Variants in MAP1B observed in about 807,000 individuals in gnomAD.
MAP1B encodes the protein microtubule associated protein 1B.
Under a neutral mutation model 176.1 loss-of-function variants are expected in MAP1B, and 12 were observed. The observed-to-expected ratio is 0.07, with a 90% CI of 0.04 to 0.11. The LOEUF is 0.11. Ranked by LOEUF, MAP1B falls within the 10% of genes least tolerant of loss-of-function variation. The probability of loss-of-function intolerance (pLI) is 1.00; values close to 1 mark genes in which losing one functional copy is unlikely to be tolerated. For missense variants in MAP1B, 2,523 were observed against 2,990.5 expected (o/e 0.84, Z 3.65); for synonymous variants, 1,044 against 1,135.0 (o/e 0.92, Z 1.61).
chr5:72,118,805 A>G (rs16875186), intron 2 of MAP1B, among the ~76,000 whole-genome samples: 10,944 of 152,190 alleles, frequency 0.072, 830 homozygotes, highest in East Asian at 0.21. Flanking sequence ...ATTGCCTTTT[A>G]TGACATAAGT....
rs199968838 is a variant in MAP1B, at chr5:72,199,379, T to C, written c.6024T>C (p.Tyr2008=). 13 of 1,614,056 alleles carry C rather than the reference T, an allele frequency of 8.1e-6. No individual in the cohort carries two copies. In the Admixed American group the frequency reaches 1.7e-4, roughly 21 times the overall value. The part of the protein sequence containing the change: ...GHTLGDPSYS[Y]ETTEKITSFP... ...CACTTGGGGACCCCAGCTACTCTTA[T>C]GAAACCACTGAGAAAATTACCAGTT... Residue 2008 remains tyrosine, a synonymous_variant, in exon 5 of 7, where the codon TAT becomes TAC. Coordinates refer to ENST00000296755, the MANE Select transcript of MAP1B (RefSeq NM_005909.5). The surrounding 1 kb of genome is among the most constrained non-coding windows in gnomAD (Gnocchi z 4.2).
At position 72,204,717 on chromosome 5, in the gene MAP1B, C is replaced by T. The variant is rs575410802; in HGVS notation, c.7252-367C>T. ...GGGCTTTTGAGGGCTTTGAAGTGCG[C>T]GATAAAATCCTTGGATTAAATATGC... On this transcript the variant is annotated intron_variant, in intron 6 of 6. Transcript: ENST00000296755. This position sits in a 1 kb window ranked among gnomAD's most constrained non-coding sequence, Gnocchi z 4.4. Among the ~76,000 whole-genome samples the T allele has an allele frequency of 3.9e-5, 6 of 152,026 alleles. No homozygotes were observed. Among genetic ancestry groups the T allele is most frequent in the East Asian group, 1.9e-4 (1 of 5,186 alleles).
At chr5:72,161,956 C>CAAAAAAAAAAAAAAAAAAAGAAA (rs1746332577) in intron 2 of MAP1B, among the ~76,000 whole-genome samples, 1 of 85,024 alleles carries the variant, frequency 1.2e-5, no homozygotes, top group Non-Finnish European at 2.3e-5. Context: ...AATTCCGTCT[C>CAAAAAAAAAAAAAAAAAAAGAAA]AAAAAAAAAA....
chr5:72,199,022 T>C lies in MAP1B; in HGVS notation c.5667T>C (p.Tyr1889=). Residue 1889 remains tyrosine, a synonymous_variant, in exon 5 of 7, where the codon TAT becomes TAC. Coordinates refer to ENST00000296755, the MANE Select transcript of MAP1B (RefSeq NM_005909.5). The surrounding 1 kb of genome is among the most constrained non-coding windows in gnomAD (Gnocchi z 4.2). The stretch of plus-strand genomic sequence containing the variant: ...CCCCAGATGAAGAAGATTATGACTA[T>C]GAGTCTTATGAGAAGACCACCCGGA... ...TRSPDEEDYD[Y]ESYEKTTRTS... The C allele has an allele frequency of 6.2e-7, 1 of 1,614,154 alleles. No individual in the cohort carries two copies. The highest frequency in any genetic ancestry group is 8.5e-7 in the Non-Finnish European group (1 of 1,180,008).
rs141224742 is a variant in MAP1B at position 72,197,981 on chromosome 5, G to A, written c.4626G>A (p.Thr1542=). Residue 1542 remains threonine, a synonymous_variant, in exon 5 of 7, where the codon ACG becomes ACA. Transcript: ENST00000296755. ...TTGATGAGGGCGTAGCAGAAGACACGTACTCTCATATGGAGGGTGTGGCCT... is the reference window on the plus strand; with the variant it reads ...TTGATGAGGGCGTAGCAGAAGACACATACTCTCATATGGAGGGTGTGGCCT... The part of the protein sequence containing the change: ...TPVDEGVAED[T]YSHMEGVASV... 4.8e-5 allele frequency: 77 copies of A among 1,614,058 alleles called. No homozygotes were observed. The African/African-American group carries it at 6.3e-4, about 13-fold the overall frequency.
rs1747424398 is a variant in MAP1B at position 72,205,374 on chromosome 5, A to C, written c.*135A>C. On this transcript the variant is annotated 3_prime_UTR_variant, in exon 7 of 7. Transcript: ENST00000296755. ...TACCTGCCAAATGCTATACTGTGTC[A>C]TGGTGATGCAAGTCACTAAATTTCT... The C allele has an allele frequency of 7.3e-6, 6 of 819,184 alleles. No homozygotes were observed. The highest frequency in any genetic ancestry group is 1.1e-5 in the Non-Finnish European group (6 of 535,240). 50.7% of individuals were successfully genotyped at this position (819,184 alleles called of 1,614,324 possible). A position where few individuals can be genotyped will look rare whatever the true frequency, so the allele number is the denominator to read the frequency against.
intron 2 of MAP1B, among the ~76,000 whole-genome samples, chr5:72,119,160 TC>T (rs140173170): frequency 0.051 from 7,751 of 152,266 alleles, 317 homozygotes; most frequent in Non-Finnish European, 0.079. Context: ...GTGCCTCAGT[TC>T]CCCAGAATGT....
At chr5:72,191,495 A>C (rs889742541) in intron 4 of MAP1B, among the ~76,000 whole-genome samples, 2 of 152,240 alleles carry the variant, frequency 1.3e-5, no homozygotes, top group African/African-American at 4.8e-5. Flanking sequence ...GTTGGCCCAC[A>C]GGTCTGGAAA....
At chr5:72,143,627 T>C (rs1365330394) in intron 2 of MAP1B, among the ~76,000 whole-genome samples, 2 of 152,238 alleles carry the variant, frequency 1.3e-5, no homozygotes, top group African/African-American at 4.8e-5. Flanking sequence ...TACTCTTCTA[T>C]GTTAGTTCCC....
At chr5:72,109,191 G>A (rs1023195538) in intron 1 of MAP1B, among the ~76,000 whole-genome samples, 3 of 151,650 alleles carry the variant, frequency 2.0e-5, no homozygotes, top group African/African-American at 7.3e-5. Context: ...TGCAGACCTG[G>A]TTCTTTTGTT....
intron 1 of MAP1B, 94 bp downstream of exon 1, chr5:72,107,809 C>T: frequency 7.5e-7 from 1 of 1,340,898 alleles, no homozygotes; most frequent in Non-Finnish European, 1.0e-6. Context: ...CTCCCGCGCG[C>T]CCCGCACCCA....
At chr5:72,107,920 A>G (rs1002831449) in intron 1 of MAP1B, among the ~76,000 whole-genome samples, 11 of 152,226 alleles carry the variant, frequency 7.2e-5, no homozygotes, top group Non-Finnish European at 1.0e-4. Flanking sequence ...AGAGTCTCCA[A>G]TAACCTTGAG....
intron 2 of MAP1B, among the ~76,000 whole-genome samples, chr5:72,159,476 T>C (rs1340068092): frequency 6.6e-6 from 1 of 152,244 alleles, no homozygotes; most frequent in Non-Finnish European, 1.5e-5. Context: ...TATCACTAGA[T>C]GCCTACTTCC....
At chr5:72,116,467 A>C (rs770883077) in intron 2 of MAP1B, 78 of 417,354 alleles carry the variant, frequency 1.9e-4, no homozygotes, top group Non-Finnish European at 3.2e-4. Context: ...AGGATGCAAA[A>C]ATTTGTCATA....
Position 72,203,595 on chromosome 5 carries a change from G to T in MAP1B, c.7045G>T (p.Ala2349Ser), listed in dbSNP as rs761704677. 4.3e-6 allele frequency: 7 copies of T among 1,614,136 alleles called. No individual in the cohort carries two copies. The South Asian group carries it at 6.6e-5, about 15-fold the overall frequency. ...AACTACCAAGACGACCAAGTCATCT[G>T]CTGTGCCCCCAGGCCTCCCTGTGTA... Reference protein sequence around the residue: ...PGTTKTTKSSAVPPGLPVYLD... With the variant: ...PGTTKTTKSSSVPPGLPVYLD... Residue 2349 changes from alanine (A) to serine (S), a missense_variant, in exon 6 of 7, where the codon GCT (alanine) becomes TCT (serine). Transcript: ENST00000296755.
At chr5:72,205,058 G>GC (rs1255526406) in intron 6 of MAP1B, 26 bp from the exon 7 acceptor site, 1 of 1,588,136 alleles carries the variant, frequency 6.3e-7, no homozygotes, top group African/African-American at 1.4e-5. Context: ...CCCTTAAATA[G>GC]CTATTTTTTT....
In MAP1B at chr5:72,107,537, G is replaced by A. The variant is rs1387116906; in HGVS notation, c.6G>A (p.Ala2=). M[A]TVVVEATEPE... is the part of the protein sequence containing the mutation. ...GAGGCACAGCAGCCGGCAGGATGGC[G>A]ACCGTGGTGGTGGAAGCCACCGAGC... The change falls in exon 1 of 7, where the codon GCG becomes GCA. Residue 2 remains alanine (A), a synonymous_variant. Transcript: ENST00000296755. 3 of 1,565,268 alleles carry A rather than the reference G, an allele frequency of 1.9e-6. No individual in the cohort carries two copies. The highest frequency in any genetic ancestry group is 1.2e-5 in the South Asian group (1 of 86,808).
rs148511129 is a variant in MAP1B, at chr5:72,199,835, T to C, written c.6480T>C (p.Ser2160=). ...AGTCAGCCCCATCCCAGACCGACTC[T>C]GATGTTCCCCCGGAGACTGAAGAGT... ...VSESAPSQTD[S]DVPPETEECP... The change falls in exon 5 of 7, where the codon TCT becomes TCC. Residue 2160 remains serine, a synonymous_variant. Transcript: ENST00000296755. The surrounding 1 kb of genome is among the most constrained non-coding windows in gnomAD (Gnocchi z 4.2). 23 of 1,614,054 alleles carry C rather than the reference T, an allele frequency of 1.4e-5. No homozygotes were observed. Among genetic ancestry groups the C allele is most frequent in the African/African-American group, 4.0e-5 (3 of 74,926 alleles).
intron 2 of MAP1B, among the ~76,000 whole-genome samples, chr5:72,139,865 G>A (rs1010733982): frequency 6.6e-6 from 1 of 152,134 alleles, no homozygotes; most frequent in Non-Finnish European, 1.5e-5. Flanking sequence ...TCTTTATCCT[G>A]TACACCTGAT....
Sources: allele counts gnomAD v4.1 joint callset (sites outside exome capture counted in the v4.1 genomes callset), GRCh38; gene constraint gnomAD v4.1.1; non-coding constraint Gnocchi (gnomAD v3.1); transcripts MANE v1.5; gene names NCBI Gene and HGNC (gene_info 2026-07-23, HGNC 2026-07-21).